The following PTPRR variants were observed in gnomAD, a reference collection of about 807,000 sequenced individuals.
PTPRR encodes the protein receptor-type tyrosine-protein phosphatase R.
A neutral mutation model predicts 77.2 loss-of-function variants in PTPRR; 38 were observed. That is an observed-to-expected ratio of 0.49 (90% CI 0.38 to 0.65). PTPRR has a LOEUF of 0.65. Ranked by LOEUF, PTPRR falls within the 30% of genes least tolerant of loss-of-function variation. The probability of loss-of-function intolerance (pLI) is 0.00; values close to 1 mark genes in which losing one functional copy is unlikely to be tolerated. For synonymous variants in PTPRR, 299 were observed against 283.1 expected, an observed-to-expected ratio of 1.06 and a Z score of -0.57; for missense variants, 744 against 799.2, an observed-to-expected ratio of 0.93 and a Z score of 0.83.
At chr12:70,670,244 A>G (rs1343322545) in intron 10 of PTPRR, among the ~76,000 whole-genome samples, 1 of 152,334 alleles carries the variant, frequency 6.6e-6, no homozygotes, top group East Asian at 1.9e-4. Context: ...ACTTCATGAA[A>G]GATAGGTTCA....
At chr12:70,861,002 T>C (rs1892743986) in intron 2 of PTPRR, among the ~76,000 whole-genome samples, 1 of 152,214 alleles carries the variant, frequency 6.6e-6, no homozygotes, top group Non-Finnish European at 1.5e-5. Context: ...TTATGGTCTG[T>C]CTTCCTCCAT....
At chr12:70,766,843 G>C (rs1026441882) in intron 2 of PTPRR, among the ~76,000 whole-genome samples, 1 of 152,208 alleles carries the variant, frequency 6.6e-6, no homozygotes. Context: ...AGCCAGAAGA[G>C]AGTGGGGGCC....
intron 13 of PTPRR, among the ~76,000 whole-genome samples, chr12:70,641,757 C>T (rs1052430303): frequency 1.6e-4 from 24 of 152,144 alleles, no homozygotes; most frequent in African/African-American, 5.6e-4. Flanking sequence ...GCAGCCTTTT[C>T]CAAGGTTGGC....
At chr12:70,697,497 C>A (rs530827296) in intron 8 of PTPRR, among the ~76,000 whole-genome samples, 21 of 152,168 alleles carry the variant, frequency 1.4e-4, no homozygotes, top group African/African-American at 5.1e-4. Context: ...TATTTATTTT[C>A]TTCCATTCTA....
At chr12:70,899,973 G>A (rs575535724) in intron 1 of PTPRR, among the ~76,000 whole-genome samples, 1 of 151,514 alleles carries the variant, frequency 6.6e-6, no homozygotes, top group African/African-American at 2.4e-5. Context: ...AACAGAACAT[G>A]TGCAAGATAC....
At chr12:70,855,575 T>A (rs1394470492) in intron 2 of PTPRR, among the ~76,000 whole-genome samples, 1 of 152,152 alleles carries the variant, frequency 6.6e-6, no homozygotes, top group African/African-American at 2.4e-5. Context: ...AAGTCCTAAA[T>A]TCCAGCTCCA....
intron 8 of PTPRR, among the ~76,000 whole-genome samples, chr12:70,686,066 T>G (rs954064460): frequency 2.0e-5 from 3 of 152,196 alleles, no homozygotes; most frequent in Non-Finnish European, 4.4e-5. Context: ...CTTAGTTACT[T>G]TCTTAAAAAA....
chr12:70,884,871 C>CAGAAAAAAAAAAAAAAAAA (rs1893211823), intron 2 of PTPRR, among the ~76,000 whole-genome samples: 1 of 53,930 alleles, frequency 1.9e-5, no homozygotes, highest in African/African-American at 9.3e-5. Flanking sequence ...AACTCTGTCT[C>CAGAAAAAAAAAAAAAAAAA]AAAAAAAAAA....
chr12:70,828,633 C>A (rs1377368944), intron 2 of PTPRR, among the ~76,000 whole-genome samples: 1 of 152,140 alleles, frequency 6.6e-6, no homozygotes, highest in Non-Finnish European at 1.5e-5. Context: ...GTATGTAGTA[C>A]TTTCTTATGC....
In PTPRR at chr12:70,816,326, C is replaced by T. The variant is rs139484272; in HGVS notation, c.358-51548G>A. On this transcript the variant is annotated intron_variant, in intron 2 of 13. Transcript: ENST00000283228. ...GCACATTCCTCAAGAAAAATATGACCTTTAAACAGGTCTATGTACTATAGT... is the reference window on the plus strand; with the variant it reads ...GCACATTCCTCAAGAAAAATATGACTTTTAAACAGGTCTATGTACTATAGT... Among the ~76,000 whole-genome samples the T allele has an allele frequency of 3.6e-4, 54 of 151,936 alleles. 1 individual carries two copies. The East Asian group carries it at 8.7e-3, about 24-fold the overall frequency.
At chr12:70,767,039 G>A (rs1342391622) in intron 2 of PTPRR, among the ~76,000 whole-genome samples, 10 of 151,896 alleles carry the variant, frequency 6.6e-5, no homozygotes, top group East Asian at 1.9e-4. Context: ...AGGAACAACC[G>A]GTACCAGCCA....
chr12:70,805,835 A>G (rs996210626), intron 2 of PTPRR, among the ~76,000 whole-genome samples: 2 of 152,216 alleles, frequency 1.3e-5, no homozygotes, highest in African/African-American at 4.8e-5. Flanking sequence ...AAACTGTGGC[A>G]GTTTGACTCC....
chr12:70,649,926 T>C (rs1258260427), intron 13 of PTPRR, among the ~76,000 whole-genome samples: 6 of 152,168 alleles, frequency 3.9e-5, no homozygotes, highest in Non-Finnish European at 8.8e-5. Flanking sequence ...ATCCTATCTC[T>C]AGTCTTCTCT....
chr12:70,822,943 G>A (rs1313382520), intron 2 of PTPRR, among the ~76,000 whole-genome samples: 1 of 151,272 alleles, frequency 6.6e-6, no homozygotes, highest in Non-Finnish European at 1.5e-5. Flanking sequence ...TCATCCTTGG[G>A]TAGAACCCTT....
chr12:70,845,211 T>G (rs1892463680), intron 2 of PTPRR, among the ~76,000 whole-genome samples: 2 of 78,778 alleles, frequency 2.5e-5, no homozygotes, highest in African/African-American at 1.0e-4. Context: ...AATACAAAAG[T>G]GGAGGGAGAA....
At position 70,892,845 on chromosome 12, in the gene PTPRR, T is replaced by C. The variant is rs534015733; in HGVS notation, c.191A>G (p.His64Arg). 1 of 1,613,636 alleles carries C rather than the reference T, an allele frequency of 6.2e-7. No homozygotes were observed. Among genetic ancestry groups the C allele is most frequent in the Non-Finnish European group, 8.5e-7 (1 of 1,179,638 alleles). The change falls in exon 2 of 14, where the codon CAT (histidine) becomes CGT (arginine). Residue 64 changes from histidine to arginine, a missense_variant. By Grantham distance (29) the His-to-Arg change is conservative (BLOSUM62 0). Transcript: ENST00000283228. ...LDIAPQKIYR[H>R]SYHSSSEAQV... ...AGCTTCGGAAGAGGAATGGTAGCTA[T>C]GTCTGTAGATTTTTTGTGGGGCTAT... is the stretch of plus-strand genomic sequence containing the variant.
chr12:70,788,709 T>A, intron 2 of PTPRR: 1 of 821,936 alleles, frequency 1.2e-6, no homozygotes, highest in Non-Finnish European at 2.0e-6. Context: ...CTGACTCATT[T>A]TTCTACATTT....
chr12:70,817,961 C>A (rs1371071499), intron 2 of PTPRR, among the ~76,000 whole-genome samples: 1 of 152,170 alleles, frequency 6.6e-6, no homozygotes, highest in East Asian at 1.9e-4. Context: ...CGCCTGTAAT[C>A]CCAGCAGTTT....
intron 2 of PTPRR, among the ~76,000 whole-genome samples, chr12:70,806,897 A>G (rs1891719950): frequency 6.6e-6 from 1 of 152,130 alleles, no homozygotes; most frequent in African/African-American, 2.4e-5. Flanking sequence ...GATTGACCCC[A>G]CAGAAATTCT....
Sources: gnomAD v4.1 joint callset for allele counts (sites outside exome capture counted in the v4.1 genomes callset) on GRCh38, gnomAD v4.1.1 for gene constraint, MANE v1.5 for transcripts, NCBI Gene and HGNC (gene_info 2026-07-23, HGNC 2026-07-21) for gene names.